The following PRTG variants were observed in gnomAD, a reference collection of about 807,000 sequenced individuals.
The protein encoded by PRTG is protogenin, also known as immunoglobulin superfamily, DCC subclass, member 5.
In PRTG, 67 loss-of-function variants were observed where a neutral mutation model predicts 122.5. That is an observed-to-expected ratio of 0.55 (90% CI 0.45 to 0.67). The LOEUF is 0.67. Ranked by LOEUF, PRTG falls within the 30% of genes least tolerant of loss-of-function variation. The pLI is 0.00. For missense variants in PRTG, 1,435 were observed against 1,415.4 expected (o/e 1.01, Z -0.22); for synonymous variants, 554 against 501.1 (o/e 1.11, Z -1.41).
intron 2 of PRTG, among the ~76,000 whole-genome samples, chr15:55,732,807 C>T (rs1316678354): frequency 6.6e-6 from 1 of 152,074 alleles, no homozygotes; most frequent in African/African-American, 2.4e-5. Context: ...AAACCCTTAA[C>T]AGCAGTTTTC....
intron 11 of PRTG, among the ~76,000 whole-genome samples, chr15:55,647,909 C>T (rs1270371418): frequency 3.3e-5 from 5 of 152,186 alleles, no homozygotes; most frequent in Admixed American, 3.3e-4. Context: ...GACAAAGGTT[C>T]CCAAGTGTGT....
chr15:55,654,988 C>T (rs1174892721), intron 11 of PRTG: 1 of 152,108 alleles, frequency 6.6e-6, no homozygotes, highest in Non-Finnish European at 1.5e-5. Flanking sequence ...AACAAGCTTA[C>T]AAAATGAGAA....
intron 11 of PRTG, among the ~76,000 whole-genome samples, chr15:55,661,788 C>A (rs149897271): frequency 5.9e-5 from 9 of 152,002 alleles, no homozygotes; most frequent in African/African-American, 1.9e-4. Context: ...AAGCTTGCCA[C>A]ACAGCTGCTA....
At chr15:55,624,943 G>C (rs2059186609) in intron 17 of PRTG, among the ~76,000 whole-genome samples, 1 of 152,134 alleles carries the variant, frequency 6.6e-6, no homozygotes, top group African/African-American at 2.4e-5. Context: ...AATTCTTAAA[G>C]TGAGAAACTT....
At chr15:55,723,733 C>A (rs1282188539) in intron 2 of PRTG, among the ~76,000 whole-genome samples, 1 of 149,108 alleles carries the variant, frequency 6.7e-6, no homozygotes, top group African/African-American at 2.5e-5. Context: ...AGATTAATAG[C>A]CATATTCTTT....
At chr15:55,621,208 C>T (rs886205131) in intron 18 of PRTG, among the ~76,000 whole-genome samples, 3 of 151,936 alleles carry the variant, frequency 2.0e-5, no homozygotes, top group Non-Finnish European at 4.4e-5. Flanking sequence ...AAAAATTAGC[C>T]AGGCGTGGTG....
At position 55,633,213 on chromosome 15, in the gene PRTG, T is replaced by C. The variant is rs1022314282; in HGVS notation, c.2623+3957A>G. ...AATTGAGCAGTTTGTGCTGATTTAC[T>C]GCATATGAGGAGGGTAAAGGCCTGT... On this transcript the variant is annotated intron_variant, in intron 15 of 19. Transcript: ENST00000389286. Among the ~76,000 whole-genome samples the C allele has an allele frequency of 1.1e-4, 16 of 152,106 alleles. No homozygotes were observed. The East Asian group carries it at 3.1e-3, about 29-fold the overall frequency.
At chr15:55,686,842 C>T (rs1271765675) in intron 2 of PRTG, among the ~76,000 whole-genome samples, 1 of 152,086 alleles carries the variant, frequency 6.6e-6, no homozygotes, top group Admixed American at 6.6e-5. Flanking sequence ...AACATTGGTC[C>T]CTTTGTCCAC....
chr15:55,705,806 C>A (rs554320166), intron 2 of PRTG, among the ~76,000 whole-genome samples: 1 of 151,538 alleles, frequency 6.6e-6, no homozygotes, highest in Non-Finnish European at 1.5e-5. Flanking sequence ...CCACACCACT[C>A]TCCAATATGG....
rs903254238 is a variant in PRTG, at chr15:55,614,453, A to C, written c.*5559T>G. 2 of 152,120 alleles carry C rather than the reference A, an allele frequency of 1.3e-5. No homozygotes were observed. Among genetic ancestry groups the C allele is most frequent in the African/African-American group, 4.8e-5 (2 of 41,434 alleles). 9.4% of individuals were successfully genotyped at this position (152,120 alleles called of 1,614,324 possible). On this transcript the variant is annotated 3_prime_UTR_variant, in exon 20 of 20. Transcript: ENST00000389286. ...TGAATATGTCATTAAAAGAAAACAA[A>C]GAATAAACTTGAGCATGGTCCTGTT... is the stretch of plus-strand genomic sequence containing the variant.
rs529643038 is a variant in PRTG at position 55,612,305 on chromosome 15, C to T, written c.*7707G>A. Reference sequence around the variant, plus strand: ...AAGACAGTTCCATAGAAAAAATAAACTTCTGTAACATAAATTTTTTTTCAG... The same window carrying T: ...AAGACAGTTCCATAGAAAAAATAAATTTCTGTAACATAAATTTTTTTTCAG... On this transcript the variant is annotated 3_prime_UTR_variant, in exon 20 of 20. Coordinates refer to ENST00000389286, the MANE Select transcript of PRTG (RefSeq NM_173814.6). 1.3e-5 allele frequency: 2 copies of T among 152,056 alleles called. No homozygotes were observed. Among genetic ancestry groups the T allele is most frequent in the East Asian group, 3.9e-4 (2 of 5,182 alleles). The allele number at this position is 152,056 out of a possible 1,614,324, so 9.4% of individuals were successfully genotyped here.
chr15:55,708,318 G>C (rs1405250025), intron 2 of PRTG, among the ~76,000 whole-genome samples: 1 of 152,096 alleles, frequency 6.6e-6, no homozygotes, highest in Non-Finnish European at 1.5e-5. Flanking sequence ...TGCAAATAAA[G>C]TGAAACCAGG....
chr15:55,687,677 C>G (rs543315252), intron 2 of PRTG, among the ~76,000 whole-genome samples: 2 of 152,156 alleles, frequency 1.3e-5, no homozygotes, highest in Non-Finnish European at 2.9e-5. Context: ...CCCTTGAAAA[C>G]TCTGGTTTTC....
rs566415297 is a variant in PRTG at position 55,616,712 on chromosome 15, G to A, written c.*3300C>T. 1 of 152,002 alleles carries A rather than the reference G, an allele frequency of 6.6e-6. No individual in the cohort carries two copies. Among genetic ancestry groups the A allele is most frequent in the South Asian group, 2.1e-4 (1 of 4,818 alleles). 9.4% of individuals were successfully genotyped at this position (152,002 alleles called of 1,614,324 possible). A position where few individuals can be genotyped will look rare whatever the true frequency, so the allele number is the denominator to read the frequency against. On this transcript the variant is annotated 3_prime_UTR_variant, in exon 20 of 20. Coordinates refer to ENST00000389286, the MANE Select transcript of PRTG (RefSeq NM_173814.6). Reference sequence around the variant, plus strand: ...TGCGGAGGTAACCTTAAATATCTTTGGTTTTTTTCTTTTTAATTTGCTGAT... The same window carrying A: ...TGCGGAGGTAACCTTAAATATCTTTAGTTTTTTTCTTTTTAATTTGCTGAT...
At chr15:55,727,768 C>A (rs1284044806) in intron 2 of PRTG, among the ~76,000 whole-genome samples, 1 of 152,150 alleles carries the variant, frequency 6.6e-6, no homozygotes, top group African/African-American at 2.4e-5. Flanking sequence ...TGCACTCCAG[C>A]CTTGGCGACA....
chr15:55,720,723 G>A (rs555258476), intron 2 of PRTG, among the ~76,000 whole-genome samples: 2 of 152,184 alleles, frequency 1.3e-5, no homozygotes, highest in South Asian at 4.2e-4. Flanking sequence ...CCTTCTTTTG[G>A]CTTCCCTGGG....
chr15:55,665,508 T>G (rs1298787697), intron 11 of PRTG, among the ~76,000 whole-genome samples: 12 of 56,782 alleles, frequency 2.1e-4, no homozygotes, highest in Non-Finnish European at 6.7e-4. Context: ...GTTTTTTTTG[T>G]TTTTTTTTTT....
chr15:55,680,951 C>T (rs993994008), intron 4 of PRTG, among the ~76,000 whole-genome samples: 1 of 152,074 alleles, frequency 6.6e-6, no homozygotes, highest in Admixed American at 6.6e-5. Flanking sequence ...TTCAGTCTCT[C>T]TGGATTTGCC....
At chr15:55,737,147 T>C (rs11857271) in intron 2 of PRTG, among the ~76,000 whole-genome samples, 56,249 of 152,164 alleles carry the variant, frequency 0.37, 12,814 homozygotes, top group Non-Finnish European at 0.52. Context: ...TTGCTAAATT[T>C]AAAAATACTG....
Sources: gnomAD v4.1 joint callset for allele counts (sites outside exome capture counted in the v4.1 genomes callset) on GRCh38, gnomAD v4.1.1 for gene constraint, MANE v1.5 for transcripts, NCBI Gene and HGNC (gene_info 2026-07-23, HGNC 2026-07-21) for gene names.